Variants in HECW1 observed in about 807,000 individuals in gnomAD.
HECW1 encodes the protein HECT, C2 and WW domain containing E3 ubiquitin protein ligase 1, also known as E3 ubiquitin-protein ligase HECW1.
A neutral mutation model predicts 182.3 loss-of-function variants in HECW1; 61 were observed. The observed-to-expected ratio is 0.33, with a 90% CI of 0.27 to 0.41. The LOEUF (loss-of-function observed/expected upper bound fraction) is 0.41. HECW1 is among the 10% of genes least tolerant of loss of function. HECW1 has a pLI of 1.00. For missense variants in HECW1, 1,739 were observed against 2,108.9 expected, an observed-to-expected ratio of 0.82 and a Z score of 3.44; for synonymous variants, 859 against 832.6, an observed-to-expected ratio of 1.03 and a Z score of -0.55.
intron 2 of HECW1, among the ~76,000 whole-genome samples, chr7:43,209,726 T>G (rs1020503314): frequency 2.6e-4 from 40 of 151,876 alleles, no homozygotes; most frequent in African/African-American, 9.7e-4. Context: ...GAAAAGAAAA[T>G]TGGTTATTTG....
At chr7:43,541,731 T>C (rs1466564043) in intron 25 of HECW1, 138 bp from the exon 26 acceptor site, 3 of 682,998 alleles carry the variant, frequency 4.4e-6, no homozygotes, top group Non-Finnish European at 6.5e-6. Context: ...ATAATCTGAT[T>C]CATCAGTGGA....
chr7:43,501,289 T>C lies in HECW1; in HGVS notation c.3598T>C (p.Cys1200Arg). 5.0e-6 allele frequency: 8 copies of C among 1,609,282 alleles called. No homozygotes were observed. The highest frequency in any genetic ancestry group is 6.0e-6 in the Non-Finnish European group (7 of 1,176,318). ...FHPGYSFSPR[C>R]SPCSSPQNSP... ...CCCTGGGTATAGCTTCTCTCCCCGA[T>C]GTTCACCCTGTTCTTCACCTCAGAA... Residue 1200 changes from cysteine (C) to arginine (R), a missense_variant, in exon 21 of 30, where the codon TGT (cysteine) becomes CGT (arginine). Cys to Arg is a radical substitution (Grantham distance 180). Transcript: ENST00000395891.
intron 2 of HECW1, among the ~76,000 whole-genome samples, chr7:43,132,505 T>G (rs1583624796): frequency 6.6e-6 from 1 of 151,980 alleles, no homozygotes. Context: ...GTCATTCTTC[T>G]GTGAACAAGA....
chr7:43,541,910 T>C lies in HECW1; in HGVS notation c.4160T>C (p.Phe1387Ser). 6.5e-7 allele frequency: 1 copy of C among 1,548,708 alleles called. No homozygotes were observed. The highest frequency in any genetic ancestry group is 1.3e-5 in the South Asian group (1 of 79,366). ...GACCTGGAATATTTGGATGAGGAAT[T>C]CCACCAGAGTTTGCAGTGGATGAAG... ...LSDLEYLDEE[F>S]HQSLQWMKDN... The change falls in exon 26 of 30, where the codon TTC becomes TCC. Residue 1387 changes from phenylalanine (F) to serine (S), a missense_variant. Phe to Ser is a radical substitution (Grantham distance 155, BLOSUM62 -2). Transcript: ENST00000395891.
At chr7:43,559,610 A>G (rs1042642102) in intron 29 of HECW1, among the ~76,000 whole-genome samples, 2 of 152,112 alleles carry the variant, frequency 1.3e-5, no homozygotes, top group Admixed American at 1.3e-4. Flanking sequence ...AGATTAATTG[A>G]CTTTTCCAGT....
chr7:43,173,846 A>AT (rs34302457), intron 2 of HECW1, among the ~76,000 whole-genome samples: 3,583 of 145,392 alleles, frequency 0.025, 105 homozygotes, highest in African/African-American at 0.075. Flanking sequence ...GTTTTAAATG[A>AT]TTTTTTTTTT....
At chr7:43,236,694 G>A (rs1798374814) in intron 2 of HECW1, among the ~76,000 whole-genome samples, 1 of 152,156 alleles carries the variant, frequency 6.6e-6, no homozygotes. Context: ...GGCAGAGGAA[G>A]CAATCAAATA....
intron 6 of HECW1, among the ~76,000 whole-genome samples, chr7:43,389,123 G>A (rs1368620921): frequency 2.6e-5 from 4 of 152,186 alleles, no homozygotes; most frequent in Non-Finnish European, 5.9e-5. Context: ...ACGCAAGTCA[G>A]GGAAAGACAG....
At chr7:43,339,412 CT>C (rs1292171828) in intron 5 of HECW1, among the ~76,000 whole-genome samples, 2 of 152,142 alleles carry the variant, frequency 1.3e-5, no homozygotes, top group Admixed American at 1.3e-4. Flanking sequence ...CATAAAGTTC[CT>C]AATTTCAGCT....
chr7:43,360,957 A>G lies in HECW1; in HGVS notation c.532A>G (p.Thr178Ala). 1.2e-6 allele frequency: 2 copies of G among 1,612,024 alleles called. No individual in the cohort carries two copies. The highest frequency in any genetic ancestry group is 1.7e-6 in the Non-Finnish European group (2 of 1,179,082). The change falls in exon 6 of 30, where the codon ACG becomes GCG. Residue 178 changes from threonine (T) to alanine (A), a missense_variant. Physicochemically the swap from Thr to Ala is moderately conservative, Grantham distance 58 (BLOSUM62 0). Around this residue, in one of 5 missense-constraint regions of HECW1, gnomAD observed 279 missense variants for 353.1 expected, o/e 0.79. Transcript: ENST00000395891. The part of the protein sequence containing the change: ...GALRATTPSV[T>A]VKNSAAPIFK... Reference sequence around the variant, plus strand: ...CCTGCGAGCAACCACCCCCAGTGTCACGGTCAAAAACTCGGCAGCTCCTGT... The same window carrying G: ...CCTGCGAGCAACCACCCCCAGTGTCGCGGTCAAAAACTCGGCAGCTCCTGT...
intron 2 of HECW1, among the ~76,000 whole-genome samples, chr7:43,162,470 T>C (rs970608465): frequency 1.3e-5 from 2 of 152,240 alleles, no homozygotes; most frequent in African/African-American, 4.8e-5. Flanking sequence ...GTCTCTCCTC[T>C]GCGTGTCCCT....
In HECW1 at chr7:43,538,844, A is replaced by G. The variant is rs533646501; in HGVS notation, c.4020-2319A>G. Among the ~76,000 whole-genome samples, 18 of 152,344 alleles carry G rather than the reference A, an allele frequency of 1.2e-4. 2 individuals are homozygous for G. In the South Asian group the frequency reaches 3.7e-3, roughly 32 times the overall value. The stretch of plus-strand genomic sequence containing the variant: ...ATTTATAATTAACCGCGGTGACTAG[A>G]ACTGACAGAATATTGTGAAGAGTGG... On this transcript the variant is annotated intron_variant, in intron 24 of 29. Transcript: ENST00000395891.
At position 43,198,628 on chromosome 7, in the gene HECW1, A is replaced by G. The variant is rs760696619; in HGVS notation, c.-31-45247A>G. On this transcript the variant is annotated intron_variant, in intron 2 of 29. Transcript: ENST00000395891. ...AGTCATACACACTCATTCACACACC[A>G]TAGTCACACACCCCACACTCTATCT... is the stretch of plus-strand genomic sequence containing the variant. Among the ~76,000 whole-genome samples the G allele has an allele frequency of 2.9e-4, 43 of 147,184 alleles. 2 individuals are homozygous for G. Among genetic ancestry groups the G allele is most frequent in the Non-Finnish European group, 5.4e-4 (36 of 66,564 alleles).
At chr7:43,556,228 G>A (rs2082013554) in intron 29 of HECW1, among the ~76,000 whole-genome samples, 1 of 152,186 alleles carries the variant, frequency 6.6e-6, no homozygotes, top group African/African-American at 2.4e-5. Flanking sequence ...GCAAGGAATA[G>A]GGAGAAGGGG....
intron 5 of HECW1, among the ~76,000 whole-genome samples, chr7:43,332,659 A>C (rs1320521150): frequency 1.3e-5 from 2 of 152,136 alleles, no homozygotes; most frequent in Non-Finnish European, 2.9e-5. Flanking sequence ...TCACTTCAGG[A>C]GTGTGGCCTG....
intron 2 of HECW1, among the ~76,000 whole-genome samples, chr7:43,143,371 C>T (rs1173691993): frequency 1.3e-5 from 2 of 152,142 alleles, no homozygotes; most frequent in Non-Finnish European, 2.9e-5. Flanking sequence ...GCAGCCTCAA[C>T]TTCCTGGGTT....
At chr7:43,199,071 G>A (rs1003402440) in intron 2 of HECW1, among the ~76,000 whole-genome samples, 3 of 152,118 alleles carry the variant, frequency 2.0e-5, no homozygotes, top group Non-Finnish European at 1.5e-5. Context: ...CCTCCACACG[G>A]AGAACCCTCC....
chr7:43,136,305 A>G lies in HECW1; in HGVS notation c.-32+21914A>G, dbSNP rs142142616. 1.9e-3 allele frequency among the ~76,000 whole-genome samples: 296 copies of G among 152,276 alleles called. 3 individuals carry two copies. The highest frequency in any genetic ancestry group is 2.7e-3 in the South Asian group (13 of 4,828). ...CTTATTTTGAATGAGTAGCTTCCCA[A>G]AGCTGTTATATGTGTTTCTCTCATG... On this transcript the variant is annotated intron_variant, in intron 2 of 29. Coordinates refer to ENST00000395891, the MANE Select transcript of HECW1 (RefSeq NM_015052.5).
At chr7:43,149,294 A>C (rs577760057) in intron 2 of HECW1, among the ~76,000 whole-genome samples, 1 of 152,322 alleles carries the variant, frequency 6.6e-6, no homozygotes, top group Non-Finnish European at 1.5e-5. Flanking sequence ...GATATGATGC[A>C]CTGAGAAAGA....
Sources: gnomAD v4.1 joint callset for allele counts (sites outside exome capture counted in the v4.1 genomes callset) on GRCh38, gnomAD v4.1.1 for gene constraint, gnomAD v4.1.1 regional missense constraint, MANE v1.5 for transcripts, NCBI Gene and HGNC (gene_info 2026-07-23, HGNC 2026-07-21) for gene names.